The following DPYD variants were observed in gnomAD, a reference collection of about 807,000 sequenced individuals.
DPYD encodes the protein dihydropyrimidine dehydrogenase [NADP(+)].
In DPYD, 109 loss-of-function variants were observed where a neutral mutation model predicts 116.2. The observed-to-expected ratio is 0.94, with a 90% CI of 0.80 to 1.10. The LOEUF (loss-of-function observed/expected upper bound fraction) is 1.10, where lower values mean the gene tolerates loss of function less well. Ranked by LOEUF, DPYD falls within the 50% of genes least tolerant of loss-of-function variation. The pLI is 0.00. For synonymous variants in DPYD, 440 were observed against 432.0 expected, an observed-to-expected ratio of 1.02 and a Z score of -0.23; for missense variants, 1,302 against 1,254.5, an observed-to-expected ratio of 1.04 and a Z score of -0.57.
intron 13 of DPYD, among the ~76,000 whole-genome samples, chr1:97,467,311 C>G (rs1280006874): frequency 3.3e-5 from 5 of 152,166 alleles, no homozygotes; most frequent in Non-Finnish European, 7.4e-5. Flanking sequence ...AGCTAACATT[C>G]TTTTTGCTCA....
At chr1:97,313,708 C>A (rs1237536408) in intron 16 of DPYD, among the ~76,000 whole-genome samples, 5 of 151,894 alleles carry the variant, frequency 3.3e-5, no homozygotes, top group Admixed American at 6.6e-5. Context: ...CCCTCCATGA[C>A]AAATCCTTCC....
chr1:97,605,129 C>A (rs764415142), intron 8 of DPYD, among the ~76,000 whole-genome samples: 1 of 152,146 alleles, frequency 6.6e-6, no homozygotes, highest in South Asian at 2.1e-4. Flanking sequence ...TCACTACATA[C>A]CTGTTCATAA....
chr1:97,265,004 T>TC (rs397863185), intron 18 of DPYD, among the ~76,000 whole-genome samples: 7 of 151,944 alleles, frequency 4.6e-5, no homozygotes, highest in Admixed American at 6.6e-5. Flanking sequence ...CCTTCAATTT[T>TC]ACCCCAATAG....
At chr1:97,238,609 A>G (rs769718455) in intron 18 of DPYD, among the ~76,000 whole-genome samples, 4 of 152,210 alleles carry the variant, frequency 2.6e-5, no homozygotes, top group Admixed American at 6.5e-5. Context: ...ACATATGCCA[A>G]TTAAAATCAT....
In DPYD at chr1:97,546,883, G is replaced by A. The variant is rs567105020; in HGVS notation, c.1524+2677C>T. The A allele has an allele frequency of 2.6e-4, 424 of 1,609,456 alleles. 2 individuals carry two copies. The East Asian group carries it at 6.9e-3, about 26-fold the overall frequency. On this transcript the variant is annotated intron_variant, in intron 12 of 22. Coordinates refer to ENST00000370192, the MANE Select transcript of DPYD (RefSeq NM_000110.4). ...CCCACAGTGGGATACAGCAATAGAG[G>A]GGGATGAAGACCAGGAGGACAGTGA...
At chr1:97,579,703 T>C (rs1490117356) in intron 10 of DPYD, among the ~76,000 whole-genome samples, 1 of 152,246 alleles carries the variant, frequency 6.6e-6, no homozygotes, top group African/African-American at 2.4e-5. Flanking sequence ...CACCCATATA[T>C]ATTTATTTGT....
At chr1:97,113,392 G>A (rs576420343) in intron 20 of DPYD, among the ~76,000 whole-genome samples, 4 of 152,032 alleles carry the variant, frequency 2.6e-5, no homozygotes, top group Non-Finnish European at 5.9e-5. Context: ...GATCTAGCTG[G>A]TTAGTCCTCT....
chr1:97,086,039 G>T (rs1649487122), intron 21 of DPYD, among the ~76,000 whole-genome samples: 1 of 152,000 alleles, frequency 6.6e-6, no homozygotes, highest in Non-Finnish European at 1.5e-5. Context: ...ATAATTAAAA[G>T]TTGTCGTTGT....
intron 3 of DPYD, among the ~76,000 whole-genome samples, chr1:97,753,140 ATCAC>A (rs1665027731): frequency 6.6e-6 from 1 of 152,134 alleles, no homozygotes; most frequent in Admixed American, 6.6e-5. Context: ...AATTTTCATA[ATCAC>A]TCAATGAGGT....
chr1:97,135,737 A>G (rs1346902613), intron 20 of DPYD, among the ~76,000 whole-genome samples: 1 of 152,122 alleles, frequency 6.6e-6, no homozygotes, highest in Non-Finnish European at 1.5e-5. Context: ...TCTATCCTCT[A>G]TACTCACCCC....
At chr1:97,819,631 A>C (rs1368093839) in intron 3 of DPYD, among the ~76,000 whole-genome samples, 1 of 151,510 alleles carries the variant, frequency 6.6e-6, no homozygotes, top group African/African-American at 2.4e-5. Context: ...TTCTTCTTCA[A>C]TGCCACTTTG....
chr1:97,457,777 G>A (rs751977538), intron 13 of DPYD, among the ~76,000 whole-genome samples: 8 of 152,270 alleles, frequency 5.3e-5, no homozygotes, highest in Middle Eastern at 3.4e-3. Flanking sequence ...AGTCCTGAAT[G>A]ACTGTTTTAA....
intron 16 of DPYD, among the ~76,000 whole-genome samples, chr1:97,308,161 T>C (rs891405366): frequency 6.6e-6 from 1 of 151,846 alleles, no homozygotes; most frequent in African/African-American, 2.4e-5. Flanking sequence ...TGATTTTCAC[T>C]AGGTGACTGC....
intron 13 of DPYD, among the ~76,000 whole-genome samples, chr1:97,462,074 A>G (rs1677065987): frequency 6.6e-6 from 1 of 152,236 alleles, no homozygotes; most frequent in South Asian, 2.1e-4. Flanking sequence ...TCACAGGGTA[A>G]GGTTTCAGAA....
chr1:97,343,559 T>C (rs1044895176), intron 16 of DPYD, among the ~76,000 whole-genome samples: 12 of 152,142 alleles, frequency 7.9e-5, no homozygotes, highest in Non-Finnish European at 1.6e-4. Context: ...GTTGCTTCTA[T>C]AGCAGCAAAA....
At chr1:97,517,504 T>A (rs1402138502) in intron 12 of DPYD, among the ~76,000 whole-genome samples, 1 of 152,088 alleles carries the variant, frequency 6.6e-6, no homozygotes, top group African/African-American at 2.4e-5. Flanking sequence ...ATGGAAAGTA[T>A]TATCAATTAA....
intron 4 of DPYD, among the ~76,000 whole-genome samples, chr1:97,725,903 G>A (rs1422293280): frequency 6.6e-6 from 1 of 151,494 alleles, no homozygotes; most frequent in African/African-American, 2.4e-5. Context: ...TGACTGTGGT[G>A]ATGGTTGAAA....
intron 13 of DPYD, among the ~76,000 whole-genome samples, chr1:97,476,762 T>C (rs921862070): frequency 1.3e-5 from 2 of 152,112 alleles, no homozygotes; most frequent in Admixed American, 6.6e-5. Context: ...ATATGTCAAC[T>C]ACAGGCACAC....
chr1:97,531,107 C>A (rs1383652441), intron 12 of DPYD, among the ~76,000 whole-genome samples: 2 of 152,060 alleles, frequency 1.3e-5, no homozygotes, highest in African/African-American at 4.8e-5. Context: ...TGCAGAAGTT[C>A]TTTTAGTTTG....
Sources: allele counts gnomAD v4.1 joint callset (sites outside exome capture counted in the v4.1 genomes callset), GRCh38; gene constraint gnomAD v4.1.1; transcripts MANE v1.5; gene names NCBI Gene and HGNC (gene_info 2026-07-23, HGNC 2026-07-21).